The following PAQR5 variants were observed in gnomAD, a reference collection of about 807,000 sequenced individuals.
The protein encoded by PAQR5 is membrane progestin receptor gamma.
PAQR5 carries 20 observed loss-of-function variants against 34.5 expected under a neutral mutation model. That is an observed-to-expected ratio of 0.58 (90% CI 0.41 to 0.84). The LOEUF is 0.84. PAQR5 is among the 40% of genes least tolerant of loss of function. The pLI is 0.00. For synonymous variants in PAQR5, 131 were observed against 155.6 expected (o/e 0.84, Z 1.18); for missense variants, 378 against 412.7 (o/e 0.92, Z 0.73).
At chr15:69,335,998 G>A (rs557506160) in intron 1 of PAQR5, among the ~76,000 whole-genome samples, 55 of 152,172 alleles carry the variant, frequency 3.6e-4, no homozygotes, top group Non-Finnish European at 6.9e-4. Flanking sequence ...AATGAAAGTG[G>A]TTTTGTTTTC....
intron 1 of PAQR5, among the ~76,000 whole-genome samples, chr15:69,327,094 C>T (rs1430677800): frequency 6.6e-6 from 1 of 152,040 alleles, no homozygotes; most frequent in Non-Finnish European, 1.5e-5. Flanking sequence ...ATGTGATTCT[C>T]CTGCCTCAGC....
chr15:69,368,139 C>T (rs1484495100), intron 3 of PAQR5, among the ~76,000 whole-genome samples: 1 of 151,916 alleles, frequency 6.6e-6, no homozygotes, highest in African/African-American at 2.4e-5. Context: ...CTGCAATCTC[C>T]GCCTCCCAGG....
chr15:69,302,699 C>T (rs2053631079), intron 1 of PAQR5, among the ~76,000 whole-genome samples: 1 of 152,156 alleles, frequency 6.6e-6, no homozygotes, highest in Non-Finnish European at 1.5e-5. Context: ...CAGGCCAGCA[C>T]ACCTGGGGTT....
chr15:69,354,487 C>G (rs1374126621), intron 2 of PAQR5, among the ~76,000 whole-genome samples: 3 of 152,106 alleles, frequency 2.0e-5, no homozygotes, highest in African/African-American at 7.2e-5. Flanking sequence ...ATAAACATTA[C>G]CCAAGAACTT....
intron 6 of PAQR5, among the ~76,000 whole-genome samples, chr15:69,392,949 G>T (rs1472918150): frequency 6.6e-6 from 1 of 152,032 alleles, no homozygotes; most frequent in Non-Finnish European, 1.5e-5. Context: ...ATGGTGGGCT[G>T]GGGGCCTGTG....
At chr15:69,308,790 A>G (rs1009363345) in intron 1 of PAQR5, among the ~76,000 whole-genome samples, 1 of 152,036 alleles carries the variant, frequency 6.6e-6, no homozygotes, top group Admixed American at 6.6e-5. Flanking sequence ...CTGAGGTGAG[A>G]GACAGCATGG....
chr15:69,406,654 G>A lies in PAQR5; in HGVS notation c.*2832G>A, dbSNP rs1219526774. The A allele has an allele frequency of 6.6e-6, 1 of 152,166 alleles. No individual in the cohort carries two copies. Among genetic ancestry groups the A allele is most frequent in the Non-Finnish European group, 1.5e-5 (1 of 68,088 alleles). The allele number at this position is 152,166 out of a possible 1,614,324, so 9.4% of individuals were successfully genotyped here. On this transcript the variant is annotated 3_prime_UTR_variant, in exon 9 of 9. Coordinates refer to ENST00000395407, the MANE Select transcript of PAQR5 (RefSeq NM_017705.4). ...GAGGCTGAAGTGGGAGGACTGCTTGGGCCCAAGAATTCAGGACCAGTCTGG... is the reference window on the plus strand; with the variant it reads ...GAGGCTGAAGTGGGAGGACTGCTTGAGCCCAAGAATTCAGGACCAGTCTGG...
intron 1 of PAQR5, among the ~76,000 whole-genome samples, chr15:69,312,096 T>C (rs2053846012): frequency 6.6e-6 from 1 of 151,934 alleles, no homozygotes; most frequent in African/African-American, 2.4e-5. Context: ...AAGAGCAAAC[T>C]GCGGGGTGCA....
At chr15:69,357,807 A>G (rs1021256513) in intron 2 of PAQR5, among the ~76,000 whole-genome samples, 8 of 152,236 alleles carry the variant, frequency 5.3e-5, no homozygotes, top group Non-Finnish European at 1.2e-4. Flanking sequence ...AACCACAAAA[A>G]TAAAAACAAA....
intron 7 of PAQR5, 75 bp from the exon 8 acceptor site, chr15:69,399,899 G>A (rs2056569947): frequency 6.8e-7 from 1 of 1,476,124 alleles, no homozygotes; most frequent in Admixed American, 2.0e-5. Flanking sequence ...AGTCCCAGAT[G>A]CAGGTGCTGA....
At chr15:69,300,947 C>CTTT (rs55690742) in intron 1 of PAQR5, among the ~76,000 whole-genome samples, 3 of 45,672 alleles carry the variant, frequency 6.6e-5, no homozygotes, top group African/African-American at 2.1e-4. Context: ...CTCTTTCTTT[C>CTTT]CTTCTTTCTT....
chr15:69,302,066 G>T (rs1375460136), intron 1 of PAQR5, among the ~76,000 whole-genome samples: 2 of 151,114 alleles, frequency 1.3e-5, no homozygotes, highest in Non-Finnish European at 2.9e-5. Context: ...ACTCCGGGTT[G>T]GTCAGATATA....
intron 4 of PAQR5, chr15:69,382,786 A>ATGTG (rs1445303715): frequency 4.6e-4 from 1 of 2,154 alleles, no homozygotes; most frequent in Admixed American, 5.6e-3. Flanking sequence ...CCATATATAT[A>ATGTG]TATATATATA....
At chr15:69,373,490 C>T (rs578169905) in intron 3 of PAQR5, among the ~76,000 whole-genome samples, 5 of 152,166 alleles carry the variant, frequency 3.3e-5, no homozygotes, top group Admixed American at 3.3e-4. Flanking sequence ...GTAAAACCAG[C>T]GGAATTGCTC....
chr15:69,333,992 T>G (rs537336863), intron 1 of PAQR5, among the ~76,000 whole-genome samples: 1 of 152,324 alleles, frequency 6.6e-6, no homozygotes, highest in East Asian at 1.9e-4. Context: ...TACCTTTTTG[T>G]TCACATGACT....
intron 1 of PAQR5, among the ~76,000 whole-genome samples, chr15:69,319,158 C>CAT (rs869082537): frequency 2.3e-4 from 1 of 4,286 alleles, no homozygotes; most frequent in African/African-American, 2.9e-4. Flanking sequence ...TAAATATATA[C>CAT]ATATATATAT....
intron 6 of PAQR5, 183 bp from the exon 7 acceptor site, chr15:69,397,285 G>A (rs1595944544): frequency 1.4e-6 from 1 of 699,770 alleles, no homozygotes; most frequent in Non-Finnish European, 2.6e-6. Flanking sequence ...CTGAAGTTTT[G>A]TCACTTCCAT....
At chr15:69,319,806 T>A (rs902202550) in intron 1 of PAQR5, among the ~76,000 whole-genome samples, 1 of 152,148 alleles carries the variant, frequency 6.6e-6, no homozygotes, top group Non-Finnish European at 1.5e-5. Flanking sequence ...TCCTGGAAGC[T>A]CTTGTCTGGG....
intron 2 of PAQR5, among the ~76,000 whole-genome samples, chr15:69,346,323 TGCGACAGGGTCTCAC>T (rs2054770435): frequency 1.4e-5 from 2 of 146,124 alleles, no homozygotes; most frequent in African/African-American, 2.5e-5. Context: ...TTTTTTTTTT[TGCGACAGGGTCTCAC>T]TCTTTCACTC....
Sources: allele counts gnomAD v4.1 joint callset (sites outside exome capture counted in the v4.1 genomes callset), GRCh38; gene constraint gnomAD v4.1.1; transcripts MANE v1.5; gene names NCBI Gene and HGNC (gene_info 2026-07-23, HGNC 2026-07-21).